The following MAGT1 variants were observed in gnomAD, a reference collection of about 807,000 sequenced individuals.
MAGT1 encodes the protein dolichyl-diphosphooligosaccharide--protein glycosyltransferase subunit MAGT1.
A neutral mutation model predicts 28.4 loss-of-function variants in MAGT1; 4 were observed. The observed-to-expected ratio is 0.14, with a 90% CI of 0.07 to 0.32. The LOEUF is 0.32. MAGT1 is among the 10% of genes least tolerant of loss of function. MAGT1 has a pLI of 1.00. For missense variants in MAGT1, 193 were observed against 264.5 expected, an observed-to-expected ratio of 0.73 and a Z score of 1.88; for synonymous variants, 89 against 89.7, an observed-to-expected ratio of 0.99 and a Z score of 0.04.
At chrX:77,877,573 G>A (rs1181139188) in intron 1 of MAGT1, among the ~76,000 whole-genome samples, 1 of 110,164 alleles carries the variant, frequency 9.1e-6, no homozygotes, top group African/African-American at 3.3e-5. Flanking sequence ...AGCACTTTGG[G>A]AGGCCAAGGT....
intron 3 of MAGT1, among the ~76,000 whole-genome samples, chrX:77,858,423 G>A (rs1221686006): frequency 1.8e-5 from 2 of 110,781 alleles, no homozygotes; most frequent in East Asian, 5.7e-4. Context: ...ACTCCTGACT[G>A]CAAATGATCC....
chrX:77,868,639 A>C (rs1228635201), intron 3 of MAGT1: 1 of 307,627 alleles, frequency 3.3e-6, no homozygotes, highest in Non-Finnish European at 6.3e-6. Context: ...TCCATCTCAA[A>C]AAACCTGAAA....
At chrX:77,884,773 C>G in intron 1 of MAGT1, among the ~76,000 whole-genome samples, 1 of 107,790 alleles carries the variant, frequency 9.3e-6, no homozygotes. Context: ...ACCCCCAATC[C>G]CACAATATTG....
At position 77,875,411 on chromosome X, in the gene MAGT1, G is replaced by A. The variant is rs369272364; in HGVS notation, c.272+17C>T. 25 of 1,199,063 alleles carry A rather than the reference G, an allele frequency of 2.1e-5. No individual in the cohort carries two copies. The highest frequency in any genetic ancestry group is 1.2e-4 in the African/African-American group (7 of 56,585). On this transcript the variant is annotated intron_variant, in intron 2 of 9. Coordinates refer to ENST00000618282, the MANE Select transcript of MAGT1 (RefSeq NM_001367916.1). ...TATATGAGTTATTTAATTTTAAAGC[G>A]TAGTTGGAGTTCATACTTGCAAACG...
chrX:77,847,698 C>T (rs901204043), intron 7 of MAGT1, among the ~76,000 whole-genome samples: 5 of 106,770 alleles, frequency 4.7e-5, no homozygotes, highest in African/African-American at 1.7e-4. Context: ...GCAACCTCTG[C>T]CTCCCGGGTT....
At chrX:77,837,618 A>C (rs1330966247) in intron 8 of MAGT1, among the ~76,000 whole-genome samples, 4 of 111,522 alleles carry the variant, frequency 3.6e-5, no homozygotes, top group Admixed American at 9.7e-5. Flanking sequence ...AAAAAAATCT[A>C]TTTTAATTGA....
In MAGT1 at chrX:77,858,492, T is replaced by G. The variant is rs545796072; in HGVS notation, c.391-995A>C. ...AGGCGTGAGCCACCGTGCCTGGCCT[T>G]ACAATTATAATTTTAAAACCTCAGC... On this transcript the variant is annotated intron_variant, in intron 3 of 9. Transcript: ENST00000618282. Among the ~76,000 whole-genome samples the G allele has an allele frequency of 4.5e-3, 507 of 111,615 alleles. 1 individual carries two copies. The highest frequency in any genetic ancestry group is 0.032 in the Middle Eastern group (7 of 217).
Position 77,829,211 on chromosome X carries a change from G to C in MAGT1, c.*9C>G, listed in dbSNP as rs1557213156. 1.7e-6 allele frequency: 2 copies of C among 1,196,946 alleles called. No homozygotes were observed. Among genetic ancestry groups the C allele is most frequent in the East Asian group, 6.0e-5 (2 of 33,611 alleles). ...AGTACTCCAGTGTCTATATATCTCT[G>C]GGACCTTTTTAACTCATCAGAAAGC... On this transcript the variant is annotated 3_prime_UTR_variant, in exon 10 of 10. Transcript: ENST00000618282.
At chrX:77,843,904 TTC>T (rs1557214639) in intron 7 of MAGT1, among the ~76,000 whole-genome samples, 1 of 111,589 alleles carries the variant, frequency 9.0e-6, no homozygotes, top group Non-Finnish European at 1.9e-5. Context: ...TGGTCTAAAA[TTC>T]TCTTTTTTTG....
chrX:77,885,022 A>G (rs1460711670), intron 1 of MAGT1, among the ~76,000 whole-genome samples: 1 of 102,092 alleles, frequency 9.8e-6, no homozygotes, highest in Non-Finnish European at 2.0e-5. Flanking sequence ...AGATCATGCC[A>G]CTGCACTTCA....
At chrX:77,871,813 G>C (rs2077021141) in intron 2 of MAGT1, among the ~76,000 whole-genome samples, 1 of 109,956 alleles carries the variant, frequency 9.1e-6, no homozygotes, top group Admixed American at 9.8e-5. Flanking sequence ...CTGCACTCCA[G>C]CCTGGGCGAC....
intron 1 of MAGT1, among the ~76,000 whole-genome samples, 185 bp downstream of exon 1, chrX:77,895,124 T>C (rs1210536669): frequency 1.8e-5 from 2 of 111,516 alleles, no homozygotes; most frequent in Non-Finnish European, 3.8e-5. Flanking sequence ...TCTCAGATTC[T>C]ACATCCCCAG....
chrX:77,830,323 G>A (rs2076894007), intron 9 of MAGT1, among the ~76,000 whole-genome samples: 1 of 111,790 alleles, frequency 8.9e-6, no homozygotes, highest in African/African-American at 3.2e-5. Flanking sequence ...CCCTGTCTCT[G>A]AAAATAAATG....
At chrX:77,889,345 T>G (rs1557219260) in intron 1 of MAGT1, among the ~76,000 whole-genome samples, 5 of 102,975 alleles carry the variant, frequency 4.9e-5, no homozygotes, top group Non-Finnish European at 9.8e-5. Context: ...TGTATGTATG[T>G]GTACATATAT....
At position 77,827,025 on chromosome X, in the gene MAGT1, T is replaced by C. The variant is rs2076884353; in HGVS notation, c.*2195A>G. 8.9e-6 allele frequency: 1 copy of C among 112,434 alleles called. No homozygotes were observed. The highest frequency in any genetic ancestry group is 1.9e-5 in the Non-Finnish European group (1 of 53,333). The allele number at this position is 112,434 out of a possible 1,213,427, so 9.3% of individuals were successfully genotyped here. The stretch of plus-strand genomic sequence containing the variant: ...TCTGCAAACCACATGGCAGGGTTAT[T>C]AGAAGGTAAATGGCAGGTGGCAGTC... On this transcript the variant is annotated 3_prime_UTR_variant, in exon 10 of 10. Transcript: ENST00000618282.
chrX:77,892,582 A>G (rs1391006784), intron 1 of MAGT1, among the ~76,000 whole-genome samples: 1 of 110,726 alleles, frequency 9.0e-6, no homozygotes, highest in African/African-American at 3.3e-5. Flanking sequence ...AGATCACTTG[A>G]GTCCAGGAGT....
At chrX:77,893,133 G>C (rs1418173874) in intron 1 of MAGT1, among the ~76,000 whole-genome samples, 1 of 111,822 alleles carries the variant, frequency 8.9e-6, no homozygotes, top group East Asian at 2.8e-4. Flanking sequence ...TGCAGCCTGT[G>C]TAAGAGGCCC....
At position 77,887,339 on chromosome X, in the gene MAGT1, C is replaced by T. The variant is rs1267759974; in HGVS notation, c.102+7970G>A. Among the ~76,000 whole-genome samples the T allele has an allele frequency of 5.4e-5, 6 of 111,871 alleles. No individual in the cohort carries two copies. In the East Asian group the frequency reaches 1.7e-3, roughly 31 times the overall value. On this transcript the variant is annotated intron_variant, in intron 1 of 9. Coordinates refer to ENST00000618282, the MANE Select transcript of MAGT1 (RefSeq NM_001367916.1). ...CTTAAACTCCTAGGCTCAAGCAATC[C>T]TTCCACTTTGGCCTTCCCAAAGTGT...
At chrX:77,866,001 T>C (rs1371802040) in intron 3 of MAGT1, among the ~76,000 whole-genome samples, 2 of 64,202 alleles carry the variant, frequency 3.1e-5, no homozygotes, top group African/African-American at 7.2e-5. Context: ...TACTAAAAAT[T>C]AAAAAAAATT....
Sources: gnomAD v4.1 joint callset for allele counts (sites outside exome capture counted in the v4.1 genomes callset) on GRCh38, gnomAD v4.1.1 for gene constraint, MANE v1.5 for transcripts, NCBI Gene and HGNC (gene_info 2026-07-23, HGNC 2026-07-21) for gene names.